The following PFKFB3 variants were observed in gnomAD, a reference collection of about 807,000 sequenced individuals.
PFKFB3 encodes 6-phosphofructo-2-kinase/fructose-2,6-biphosphatase 3.
PFKFB3 carries 33 observed loss-of-function variants against 68.0 expected under a neutral mutation model. The observed-to-expected ratio is 0.49, with a 90% confidence interval of 0.37 to 0.65. The LOEUF is 0.65. PFKFB3 is among the 30% of genes least tolerant of loss of function. The pLI is 0.00. For missense variants in PFKFB3, 586 were observed against 712.2 expected, an observed-to-expected ratio of 0.82 and a Z score of 2.02; for synonymous variants, 315 against 288.2, an observed-to-expected ratio of 1.09 and a Z score of -0.94.
chr10:6,181,467 T>C (rs1046902654), intron 1 of PFKFB3, among the ~76,000 whole-genome samples: 3 of 152,204 alleles, frequency 2.0e-5, no homozygotes, highest in African/African-American at 7.2e-5. Context: ...TGCTGACATA[T>C]GCTACAACAT....
At chr10:6,256,866 T>C (rs1846500701), downstream of PFKFB3, among the ~76,000 whole-genome samples, 2 of 152,190 alleles carry the variant, frequency 1.3e-5, no homozygotes, top group South Asian at 4.1e-4. Context: ...GACTCCACTC[T>C]GTTGCTTCCC....
At chr10:6,207,141 G>T (rs2131890653) in intron 1 of PFKFB3, among the ~76,000 whole-genome samples, 1 of 152,364 alleles carries the variant, frequency 6.6e-6, no homozygotes, top group Admixed American at 6.5e-5. Context: ...ACCCCAGCCT[G>T]GGCACCATTG....
chr10:6,222,916 A>G lies in PFKFB3; in HGVS notation c.1145A>G (p.Asn382Ser). 6.2e-7 allele frequency: 1 copy of G among 1,613,750 alleles called. No individual in the cohort carries two copies. The highest frequency in any genetic ancestry group is 8.5e-7 in the Non-Finnish European group (1 of 1,179,844). The stretch of plus-strand genomic sequence containing the variant: ...ATCATGGAGCTGGAGCGGCAGGAGA[A>G]TGTGCTGGTCATCTGCCACCAGGCC... ...PVIMELERQE[N>S]VLVICHQAVL... The change falls in exon 11 of 15, where the codon AAT becomes AGT. Residue 382 changes from asparagine to serine, a missense_variant. By Grantham distance (46) the Asn-to-Ser change is conservative. Transcript: ENST00000379775.
intron 14 of PFKFB3, among the ~76,000 whole-genome samples, chr10:6,241,133 C>T (rs1846131232): frequency 6.6e-6 from 1 of 152,048 alleles, no homozygotes; most frequent in Admixed American, 6.6e-5. Flanking sequence ...TCTCGAACTC[C>T]TGACCTCGTG....
the PFKFB3 span, among the ~76,000 whole-genome samples, chr10:6,274,205 A>C: frequency 6.6e-6 from 1 of 152,070 alleles, no homozygotes; most frequent in Non-Finnish European, 1.5e-5. Context: ...ATCTCTAAAA[A>C]AAAAAAAAAT....
chr10:6,247,398 TA>T (rs1846283293), intron 14 of PFKFB3, among the ~76,000 whole-genome samples: 1 of 152,220 alleles, frequency 6.6e-6, no homozygotes, highest in Admixed American at 6.5e-5. Flanking sequence ...CTCTAACAAT[TA>T]GCCTTCTAAA....
At chr10:6,172,077 G>T (rs1056372364) in intron 1 of PFKFB3, among the ~76,000 whole-genome samples, 1 of 152,224 alleles carries the variant, frequency 6.6e-6, no homozygotes, top group African/African-American at 2.4e-5. Context: ...GTCCGGGACA[G>T]ATACTCTGAC....
downstream of PFKFB3, among the ~76,000 whole-genome samples, chr10:6,256,445 A>G (rs1257504006): frequency 6.6e-6 from 1 of 152,170 alleles, no homozygotes; most frequent in Admixed American, 6.6e-5. Flanking sequence ...GGAGGGGACG[A>G]GGCTCTACAT....
chr10:6,240,328 T>C (rs562633405), downstream of PFKFB3, among the ~76,000 whole-genome samples: 81 of 152,238 alleles, frequency 5.3e-4, no homozygotes, highest in African/African-American at 1.9e-3. Context: ...GCGGTGGCAC[T>C]ATCTCGGCTC....
chr10:6,161,366 T>A (rs75855372), intron 1 of PFKFB3, among the ~76,000 whole-genome samples: 1,647 of 152,252 alleles, frequency 0.011, 68 homozygotes, highest in East Asian at 0.1. Flanking sequence ...TTTGTTTGGA[T>A]CATTTGTAAA....
rs1319769349 is a variant in PFKFB3 at position 6,229,652 on chromosome 10, G to T, written c.1516-3243G>T. Among the ~76,000 whole-genome samples, 2 of 152,212 alleles carry T rather than the reference G, an allele frequency of 1.3e-5. No homozygotes were observed. The highest frequency in any genetic ancestry group is 4.8e-5 in the African/African-American group (2 of 41,448). On this transcript the variant is annotated intron_variant, in intron 14 of 14. Coordinates refer to ENST00000379775, the MANE Select transcript of PFKFB3 (RefSeq NM_004566.4). This position sits in a 1 kb window ranked among gnomAD's most constrained non-coding sequence, Gnocchi z 4.3. ...GTGATGCGCGGGGCCAGCGTGCAGT[G>T]CTTCAGGATCTGGGCTTCTCCTTGT...
At chr10:6,152,840 C>T (rs756665978) in intron 1 of PFKFB3, among the ~76,000 whole-genome samples, 24 of 152,032 alleles carry the variant, frequency 1.6e-4, no homozygotes, top group Non-Finnish European at 2.9e-4. Flanking sequence ...TTGATCGTAC[C>T]GCTGCACTCC....
chr10:6,279,953 C>T, the PFKFB3 span, among the ~76,000 whole-genome samples: 5 of 144,624 alleles, frequency 3.5e-5, no homozygotes, highest in Admixed American at 2.1e-4. Flanking sequence ...AGACTCAGAG[C>T]TTTGCAGGTG....
chr10:6,217,923 G>A (rs1290932820), intron 6 of PFKFB3, among the ~76,000 whole-genome samples: 1 of 152,180 alleles, frequency 6.6e-6, no homozygotes, highest in Non-Finnish European at 1.5e-5. Flanking sequence ...ACACTGGGAC[G>A]CTGTGGTGCT....
intron 14 of PFKFB3, 63 bp from the exon 15 acceptor site, chr10:6,232,831 CT>C: frequency 7.7e-7 from 1 of 1,290,338 alleles, no homozygotes; most frequent in Non-Finnish European, 1.1e-6. Context: ...GCGTCTTCTG[CT>C]TTAGAATTCA....
At position 6,186,313 on chromosome 10, in the gene PFKFB3, T is replaced by G. The variant is rs1842867994; in HGVS notation, c.17-27310T>G. The stretch of plus-strand genomic sequence containing the variant: ...CACACGACCACATCCTGTGGCATCC[T>G]CAGCAAAGGGGTAGATGGGCCCAGT... On this transcript the variant is annotated intron_variant, in intron 1 of 14. Coordinates refer to the PFKFB3 transcript ENST00000379789. Among the ~76,000 whole-genome samples, 3 of 152,152 alleles carry G rather than the reference T, an allele frequency of 2.0e-5. No individual in the cohort carries two copies. In the South Asian group the frequency reaches 6.2e-4, roughly 32 times the overall value.
At chr10:6,310,608 GC>G in the PFKFB3 span, among the ~76,000 whole-genome samples, 2 of 152,168 alleles carry the variant, frequency 1.3e-5, no homozygotes, top group Non-Finnish European at 2.9e-5. Context: ...TTTATAGTCG[GC>G]CTTGACTCTA....
chr10:6,156,553 G>C (rs947024291), intron 1 of PFKFB3, among the ~76,000 whole-genome samples: 3 of 151,752 alleles, frequency 2.0e-5, no homozygotes, highest in African/African-American at 7.3e-5. Context: ...TGCGGCCCAG[G>C]CTGATGTGCA....
chr10:6,294,138 T>C, the PFKFB3 span: 1 of 499,652 alleles, frequency 2.0e-6, no homozygotes, highest in Admixed American at 2.2e-5. Flanking sequence ...TTCTTCTTTA[T>C]TTAAACTCAG....
Sources: gnomAD v4.1 joint callset for allele counts (sites outside exome capture counted in the v4.1 genomes callset) on GRCh38, gnomAD v4.1.1 for gene constraint, Gnocchi (gnomAD v3.1) non-coding constraint, MANE v1.5 for transcripts, NCBI Gene and HGNC (gene_info 2026-07-23, HGNC 2026-07-21) for gene names.